The following TASOR variants were observed in gnomAD, a reference collection of about 807,000 sequenced individuals.
TASOR encodes protein TASOR.
A neutral mutation model predicts 178.6 loss-of-function variants in TASOR; 53 were observed. The ratio of observed to expected loss-of-function variants is 0.30; its 90% CI spans 0.24 to 0.37. TASOR has a LOEUF of 0.37. TASOR is among the 10% of genes least tolerant of loss of function. The probability of loss-of-function intolerance (pLI) is 1.00; values close to 1 mark genes in which losing one functional copy is unlikely to be tolerated. For synonymous variants in TASOR, 713 were observed against 696.2 expected, an observed-to-expected ratio of 1.02 and a Z score of -0.38; for missense variants, 1,815 against 1,971.4, an observed-to-expected ratio of 0.92 and a Z score of 1.50.
Position 56,647,116 on chromosome 3 carries a change from C to G in TASOR, c.1621G>C (p.Glu541Gln), listed in dbSNP as rs747498400. 5 of 1,606,902 alleles carry G rather than the reference C, an allele frequency of 3.1e-6. No individual in the cohort carries two copies. The highest frequency in any genetic ancestry group is 4.2e-6 in the Non-Finnish European group (5 of 1,178,488). The change falls in exon 14 of 24, where the codon GAA (glutamate) becomes CAA (glutamine). Residue 541 changes from glutamate (E) to glutamine (Q), a missense_variant. Glu to Gln is a conservative substitution (Grantham distance 29, BLOSUM62 2). Transcript: ENST00000683822. ...TTTATGGCGCTTATATTTTTGAATT[C>G]CTTTCGACACTGAATCAAAGAAAAT... ...LQFSLIQCRKEFKNISAINFH... is the reference protein window; with the variant it reads ...LQFSLIQCRKQFKNISAINFH...
intron 11 of TASOR, among the ~76,000 whole-genome samples, chr3:56,656,900 C>A (rs1399416779): frequency 1.3e-5 from 2 of 151,732 alleles, no homozygotes; most frequent in Non-Finnish European, 2.9e-5. Context: ...ATCCCAGCTA[C>A]TCTGGAGGCT....
rs779908874 is a variant in TASOR, at chr3:56,641,705, G to A, written c.2263C>T (p.Arg755Trp). The change falls in exon 15 of 24, where the codon CGG (arginine) becomes TGG (tryptophan). Residue 755 changes from arginine to tryptophan, a missense_variant. Coordinates refer to ENST00000683822, the MANE Select transcript of TASOR (RefSeq NM_001365635.2). The stretch of plus-strand genomic sequence containing the variant: ...GAGTTACAGGTATCCTGCTGCTGCC[G>A]CCTCAAGTCAGCATCATGTCCAAGT... ...GSLGHDADLR[R>W]QQQDTCNSGI... 8.7e-6 allele frequency: 14 copies of A among 1,614,012 alleles called. No homozygotes were observed. The highest frequency in any genetic ancestry group is 2.7e-5 in the African/African-American group (2 of 74,926).
Position 56,670,060 on chromosome 3 carries a change from GA to G in TASOR, c.643+12del. ...AGTAGTAGATATTTATATTTAAAAAGAAAAAAGATTACCCATGGAAGGACTG... is the reference window on the plus strand; with the variant it reads ...AGTAGTAGATATTTATATTTAAAAAGAAAAAGATTACCCATGGAAGGACTG... On this transcript the variant is annotated intron_variant, in intron 4 of 23. Coordinates refer to ENST00000683822, the MANE Select transcript of TASOR (RefSeq NM_001365635.2). 3 of 1,497,408 alleles carry G rather than the reference GA, an allele frequency of 2.0e-6. No homozygotes were observed. The highest frequency in any genetic ancestry group is 1.3e-5 in the South Asian group (1 of 76,296). 92.8% of individuals were successfully genotyped at this position (1,497,408 alleles called of 1,614,324 possible).
At chr3:56,647,510 T>A (rs2077259757) in intron 13 of TASOR, among the ~76,000 whole-genome samples, 1 of 152,170 alleles carries the variant, frequency 6.6e-6, no homozygotes. Flanking sequence ...CACTTCCTAC[T>A]GCCCCCAGGA....
chr3:56,631,110 G>A (rs2076903247), intron 18 of TASOR, among the ~76,000 whole-genome samples: 1 of 152,058 alleles, frequency 6.6e-6, no homozygotes, highest in Non-Finnish European at 1.5e-5. Context: ...CAGTCATGTA[G>A]GGCAAAAATG....
chr3:56,683,127 G>A lies in TASOR; in HGVS notation c.-121C>T. 1.7e-6 allele frequency: 2 copies of A among 1,169,544 alleles called. No individual in the cohort carries two copies. The highest frequency in any genetic ancestry group is 1.7e-5 in the South Asian group (1 of 60,164). The allele number at this position is 1,169,544 out of a possible 1,614,324, so 72.4% of individuals were successfully genotyped here. On this transcript the variant is annotated 5_prime_UTR_variant, in exon 1 of 24. It adds an upstream start codon to the 5' untranslated region. Coordinates refer to ENST00000683822, the MANE Select transcript of TASOR (RefSeq NM_001365635.2). ...TCAGCCCACCCACCCCCTTCCCCCCGTGGCCTCAGGCTGCGCTCCCGACCT... is the reference window on the plus strand; with the variant it reads ...TCAGCCCACCCACCCCCTTCCCCCCATGGCCTCAGGCTGCGCTCCCGACCT...
At chr3:56,673,794 T>G in intron 1 of TASOR, 69 bp from the exon 2 acceptor site, 2 of 1,351,516 alleles carry the variant, frequency 1.5e-6, no homozygotes, top group Non-Finnish European at 2.0e-6. Flanking sequence ...TTTTATATTT[T>G]TGTGGGTTAA....
Position 56,633,357 on chromosome 3 carries a change from G to A in TASOR, c.3434C>T (p.Thr1145Ile), listed in dbSNP as rs1414774533. 1.2e-6 allele frequency: 2 copies of A among 1,614,140 alleles called. No individual in the cohort carries two copies. The highest frequency in any genetic ancestry group is 1.7e-5 in the Admixed American group (1 of 60,018). Residue 1145 changes from threonine to isoleucine, a missense_variant, in exon 18 of 24, where the codon ACC becomes ATC. Physicochemically the swap from Thr to Ile is moderately conservative, Grantham distance 89. This residue lies in a region of TASOR where 655 missense variants were observed against 671.1 expected (regional missense o/e 0.98). Coordinates refer to ENST00000683822, the MANE Select transcript of TASOR (RefSeq NM_001365635.2). The part of the protein sequence containing the change: ...EPLCSDPLKD[T>I]NSDEQHSTSA... ...AGTGGAATGCTGCTCATCAGAGTTG[G>A]TATCTTTCAAAGGATCACTACACAG...
chr3:56,666,299 T>C lies in TASOR; in HGVS notation c.983A>G (p.Lys328Arg), dbSNP rs2029962855. The C allele has an allele frequency of 3.9e-6, 6 of 1,547,070 alleles. No individual in the cohort carries two copies. Among genetic ancestry groups the C allele is most frequent in the East Asian group, 2.5e-5 (1 of 40,776 alleles). Residue 328 changes from lysine to arginine, a missense_variant, in exon 7 of 24, where the codon AAA (lysine) becomes AGA (arginine). Coordinates refer to ENST00000683822, the MANE Select transcript of TASOR (RefSeq NM_001365635.2). ...AAACTTCGGAGTTTGTATATCATCT[T>C]TGTAAGTAAAAGACACAACTGCATA... ...CPYAVVSFTY[K>R]DDIQTPKFVP... is the part of the protein sequence containing the mutation.
chr3:56,633,399 T>C lies in TASOR; in HGVS notation c.3392A>G (p.Lys1131Arg). 1 of 1,614,150 alleles carries C rather than the reference T, an allele frequency of 6.2e-7. No individual in the cohort carries two copies. Among genetic ancestry groups the C allele is most frequent in the Non-Finnish European group, 8.5e-7 (1 of 1,180,008 alleles). ...ACTACACAGTGGCTCAAGGAGATGT[T>C]TATTGTTGAAGTCACTTGAGGAAAC... is the stretch of plus-strand genomic sequence containing the variant. ...IPVSSSDFNNKHLLEPLCSDP... is the reference protein window; with the variant it reads ...IPVSSSDFNNRHLLEPLCSDP... Residue 1131 changes from lysine (K) to arginine (R), a missense_variant, in exon 18 of 24, where the codon AAA (lysine) becomes AGA (arginine). Physicochemically the swap from Lys to Arg is conservative, Grantham distance 26. Coordinates refer to ENST00000683822, the MANE Select transcript of TASOR (RefSeq NM_001365635.2).
rs1375889825 is a variant in TASOR at position 56,640,069 on chromosome 3, A to G, written c.2681T>C (p.Ile894Thr). The change falls in exon 16 of 24, where the codon ATT becomes ACT. Residue 894 changes from isoleucine (I) to threonine (T), a missense_variant. Ile to Thr is a moderately conservative substitution (Grantham distance 89). Around this residue, in one of 5 missense-constraint regions of TASOR, gnomAD observed 655 missense variants for 671.1 expected, o/e 0.98. Transcript: ENST00000683822. The part of the protein sequence containing the change: ...EDCSLCPSVP[I>T]EHGFRRQQSK... ...CTGTTGTCTACGAAATCCATGTTCA[A>G]TGGGAACACTGGGACACAAACTGCA... 2 of 1,613,386 alleles carry G rather than the reference A, an allele frequency of 1.2e-6. No homozygotes were observed. Among genetic ancestry groups the G allele is most frequent in the Non-Finnish European group, 1.7e-6 (2 of 1,179,678 alleles).
intron 1 of TASOR, among the ~76,000 whole-genome samples, chr3:56,681,279 T>C (rs140318636): frequency 5.9e-5 from 9 of 152,176 alleles, no homozygotes. Context: ...ACTTTTCTCA[T>C]ACAGACTATA....
At chr3:56,634,048 AAG>A (rs1169189527) in intron 17 of TASOR, 82 bp from the exon 18 acceptor site, 15 of 1,114,508 alleles carry the variant, frequency 1.3e-5, no homozygotes, top group Middle Eastern at 2.2e-4. Flanking sequence ...TGGGGGAAAA[AAG>A]GGTTAACACA....
At chr3:56,671,758 A>T (rs972955270) in intron 2 of TASOR, 66 bp from the exon 3 acceptor site, 4 of 1,262,854 alleles carry the variant, frequency 3.2e-6, no homozygotes, top group African/African-American at 3.0e-5. Flanking sequence ...TACAAGTTTT[A>T]TTTTTTTTTC....
chr3:56,641,389 G>C lies in TASOR; in HGVS notation c.2579C>G (p.Thr860Ser). The change falls in exon 15 of 24, where the codon ACC becomes AGC. Residue 860 changes from threonine to serine, a missense_variant. Physicochemically the swap from Thr to Ser is moderately conservative, Grantham distance 58 (BLOSUM62 1). This residue lies in a region of TASOR where 655 missense variants were observed against 671.1 expected (regional missense o/e 0.98). Coordinates refer to ENST00000683822, the MANE Select transcript of TASOR (RefSeq NM_001365635.2). ...ATSKYSVAIS[T>S]SEVGTDHKLH... is the part of the protein sequence containing the mutation. ...CTTATGGTCAGTGCCCACTTCGCTG[G>C]TAGAAATAGCAACAGAATACTTAGA... 2 of 1,597,246 alleles carry C rather than the reference G, an allele frequency of 1.3e-6. No homozygotes were observed. The highest frequency in any genetic ancestry group is 1.7e-6 in the Non-Finnish European group (2 of 1,165,576).
intron 16 of TASOR, among the ~76,000 whole-genome samples, chr3:56,639,237 T>A (rs560380177): frequency 6.6e-6 from 1 of 152,342 alleles, no homozygotes; most frequent in South Asian, 2.1e-4. Context: ...AAAAAGTTGT[T>A]TGCTGTTGCT....
At chr3:56,663,927 A>G (rs2077653242) in intron 7 of TASOR, 2 of 889,496 alleles carry the variant, frequency 2.2e-6, no homozygotes, top group Non-Finnish European at 2.7e-6. Context: ...ATCATTCAGT[A>G]AATACATACT....
Position 56,633,506 on chromosome 3 carries a change from C to T in TASOR, c.3285G>A (p.Lys1095=), listed in dbSNP as rs1258871296. Residue 1095 remains lysine (K), a synonymous_variant, in exon 18 of 24, where the codon AAG becomes AAA. Transcript: ENST00000683822. ...LNTIIIKASA[K]GGNLPPVSPN... is the part of the protein sequence containing the mutation. ...GACTGACTGGTGGCAAATTCCCACC[C>T]TTGGCTGATGCTTTAATAATAATAG... is the stretch of plus-strand genomic sequence containing the variant. The T allele has an allele frequency of 3.1e-6, 5 of 1,614,032 alleles. No individual in the cohort carries two copies. The highest frequency in any genetic ancestry group is 4.2e-6 in the Non-Finnish European group (5 of 1,180,032).
At chr3:56,652,811 A>G (rs1048143097) in intron 11 of TASOR, among the ~76,000 whole-genome samples, 4 of 152,200 alleles carry the variant, frequency 2.6e-5, no homozygotes, top group African/African-American at 4.8e-5. Flanking sequence ...AAAACACAAT[A>G]AATAAATAAA....
Sources: allele counts gnomAD v4.1 joint callset (sites outside exome capture counted in the v4.1 genomes callset), GRCh38; gene constraint gnomAD v4.1.1; regional missense constraint gnomAD v4.1.1; transcripts MANE v1.5; gene names NCBI Gene and HGNC (gene_info 2026-07-23, HGNC 2026-07-21).